GNE: variants seen among roughly 807,000 people sequenced by gnomAD.
GNE encodes the protein glucosamine (UDP-N-acetyl)-2-epimerase/N-acetylmannosamine kinase.
GNE carries 41 observed loss-of-function variants against 61.8 expected under a neutral mutation model. The observed-to-expected ratio is 0.66, with a 90% CI of 0.52 to 0.86. The LOEUF is 0.86. Ranked by LOEUF, GNE falls within the 40% of genes least tolerant of loss-of-function variation. The probability of loss-of-function intolerance (pLI) is 0.00; values close to 1 mark genes in which losing one functional copy is unlikely to be tolerated. For synonymous variants in GNE, 264 were observed against 326.4 expected (o/e 0.81, Z 2.06); for missense variants, 608 against 909.1 (o/e 0.67, Z 4.26).
At position 36,246,185 on chromosome 9, in the gene GNE, A is replaced by T. The variant is rs778963689; in HGVS notation, c.462T>A (p.Ala154=). The change falls in exon 3 of 12, where the codon GCT becomes GCA. Residue 154 remains alanine (A), a synonymous_variant. Coordinates refer to ENST00000642385, the MANE Select transcript of GNE (RefSeq NM_005476.7). The stretch of plus-strand genomic sequence containing the variant: ...TGCGGGTGCAGCACACATGATAATG[A>T]GCCAGTTTTGTTATGGCATGTCTGA... The part of the protein sequence containing the change: ...DSIRHAITKL[A]HYHVCCTRSA... 5.2e-5 allele frequency: 84 copies of T among 1,614,116 alleles called. No homozygotes were observed. Among genetic ancestry groups the T allele is most frequent in the Non-Finnish European group, 6.9e-5 (81 of 1,180,038 alleles).
rs112547437 is a variant in GNE at position 36,248,701 on chromosome 9, A to G, written c.164+491T>C. 2.9e-3 allele frequency among the ~76,000 whole-genome samples: 444 copies of G among 152,304 alleles called. 1 individual carries two copies. Among genetic ancestry groups the G allele is most frequent in the African/African-American group, 0.01 (430 of 41,566 alleles). On this transcript the variant is annotated intron_variant, in intron 2 of 11. Coordinates refer to ENST00000642385, the MANE Select transcript of GNE (RefSeq NM_005476.7). ...CAAAATAAATGTCAATGGTGACAGTAATGTAACTCTCTACTTTACCTTGCA... is the reference window on the plus strand; with the variant it reads ...CAAAATAAATGTCAATGGTGACAGTGATGTAACTCTCTACTTTACCTTGCA...
At chr9:36,227,522 G>A (rs1828935806) in intron 6 of GNE, 64 bp from the exon 7 acceptor site, 1 of 1,011,540 alleles carries the variant, frequency 9.9e-7, no homozygotes, top group Non-Finnish European at 1.6e-6. Context: ...TGGTAGTGAG[G>A]GTATAATGTA....
At chr9:36,271,662 C>T (rs1180215285) in intron 1 of GNE, among the ~76,000 whole-genome samples, 1 of 152,176 alleles carries the variant, frequency 6.6e-6, no homozygotes, top group Non-Finnish European at 1.5e-5. Context: ...GCGTGAGCCA[C>T]CATGCCTGAC....
chr9:36,271,570 C>T (rs1044763429), intron 1 of GNE, among the ~76,000 whole-genome samples: 1 of 152,112 alleles, frequency 6.6e-6, no homozygotes, highest in African/African-American at 2.4e-5. Flanking sequence ...GACGGGGTTT[C>T]ACCATGTTGT....
At position 36,236,070 on chromosome 9, in the gene GNE, G is replaced by A. The variant is rs369428076; in HGVS notation, c.769+762C>T. Among the ~76,000 whole-genome samples the A allele has an allele frequency of 3.3e-4, 51 of 152,264 alleles. 1 individual carries two copies. In the South Asian group the frequency reaches 0.011, roughly 32 times the overall value. ...CGGTTGGGACTGGCTGGGGACTCCA[G>A]ATTTAAACTGCTTCAGCTCAAGATT... is the stretch of plus-strand genomic sequence containing the variant. On this transcript the variant is annotated intron_variant, in intron 4 of 11. Coordinates refer to ENST00000642385, the MANE Select transcript of GNE (RefSeq NM_005476.7).
chr9:36,218,787 C>T lies in GNE; in HGVS notation c.1817-488G>A, dbSNP rs1210183842. Among the ~76,000 whole-genome samples the T allele has an allele frequency of 2.0e-5, 3 of 152,242 alleles. No homozygotes were observed. Among genetic ancestry groups the T allele is most frequent in the Non-Finnish European group, 4.4e-5 (3 of 68,046 alleles). ...AGCTGCATGACCCCATGCCTGTCAC[C>T]TCACCTGTACACATTCCTCCTTCCT... On this transcript the variant is annotated intron_variant, in intron 10 of 11. Coordinates refer to ENST00000642385, the MANE Select transcript of GNE (RefSeq NM_005476.7). The surrounding 1 kb of genome is among the most constrained non-coding windows in gnomAD (Gnocchi z 4.1).
At position 36,214,793 on chromosome 9, in the gene GNE, A is replaced by C. The variant is rs565481300; in HGVS notation, c.*2572T>G. On this transcript the variant is annotated 3_prime_UTR_variant, in exon 12 of 12. Transcript: ENST00000642385. ...CTTCCTTCCCAGGAATCACCATGGA[A>C]TGTCTGAACAATAACCAGGCCCTGG... 1 of 152,336 alleles carries C rather than the reference A, an allele frequency of 6.6e-6. No individual in the cohort carries two copies. The allele number at this position is 152,336 out of a possible 1,614,324, so 9.4% of individuals were successfully genotyped here.
At chr9:36,255,870 C>T (rs945711740) in intron 1 of GNE, among the ~76,000 whole-genome samples, 1 of 152,078 alleles carries the variant, frequency 6.6e-6, no homozygotes, top group Admixed American at 6.6e-5. Context: ...TGATAGTTTT[C>T]GGACAAGTTT....
chr9:36,239,157 G>C (rs1268471940), intron 3 of GNE, among the ~76,000 whole-genome samples: 5 of 152,144 alleles, frequency 3.3e-5, no homozygotes, highest in African/African-American at 1.2e-4. Context: ...TTTGAAATCA[G>C]GTAGTGTGAT....
rs767519361 is a variant in GNE at position 36,246,039 on chromosome 9, A to G, written c.608T>C (p.Met203Thr). ...KNKDYMSIIR[M>T]WLGDDVKSKD... ...AAGTCTGAGATACGTACCTAGCCAC[A>G]TGCGAATGATGCTCATGTAGTCTTT... The change falls in exon 3 of 12, where the codon ATG (methionine) becomes ACG (threonine). Residue 203 changes from methionine to threonine, a missense_variant. Met to Thr is a moderately conservative substitution (Grantham distance 81, BLOSUM62 -1). Coordinates refer to ENST00000642385, the MANE Select transcript of GNE (RefSeq NM_005476.7). The G allele has an allele frequency of 6.2e-7, 1 of 1,613,464 alleles. No homozygotes were observed. The highest frequency in any genetic ancestry group is 8.5e-7 in the Non-Finnish European group (1 of 1,179,578).
intron 11 of GNE, among the ~76,000 whole-genome samples, chr9:36,217,897 T>C (rs906625717): frequency 6.6e-6 from 1 of 152,254 alleles, no homozygotes; most frequent in African/African-American, 2.4e-5. Context: ...AACTAAGTGA[T>C]ATTTTTTCTT....
intron 10 of GNE, 107 bp downstream of exon 10, chr9:36,219,731 A>G (rs1244473219): frequency 9.7e-7 from 1 of 1,029,032 alleles, no homozygotes; most frequent in Non-Finnish European, 1.5e-6. Context: ...CTAAGAAGTG[A>G]AAAGGGGGAA....
intron 1 of GNE, among the ~76,000 whole-genome samples, chr9:36,256,534 C>T (rs1374887163): frequency 6.6e-6 from 1 of 152,156 alleles, no homozygotes; most frequent in Non-Finnish European, 1.5e-5. Context: ...CGTGAGCCAC[C>T]ACGCCCGGCA....
chr9:36,253,222 C>G (rs1318007791), intron 1 of GNE, among the ~76,000 whole-genome samples: 1 of 151,204 alleles, frequency 6.6e-6, no homozygotes, highest in East Asian at 1.9e-4. Flanking sequence ...TACACACATA[C>G]ACAACGTATA....
intron 7 of GNE, among the ~76,000 whole-genome samples, chr9:36,224,477 C>G (rs1828763844): frequency 6.6e-6 from 1 of 151,994 alleles, no homozygotes; most frequent in Non-Finnish European, 1.5e-5. Context: ...AGTAGCTGAG[C>G]TTTAATCATC....
intron 4 of GNE, among the ~76,000 whole-genome samples, chr9:36,234,611 A>G (rs533488081): frequency 5.9e-5 from 9 of 152,304 alleles, no homozygotes; most frequent in African/African-American, 1.2e-4. Context: ...GAAAATACAC[A>G]TAGATTCTGA....
At position 36,253,569 on chromosome 9, in the gene GNE, C is replaced by T. The variant is rs559092096; in HGVS notation, c.-42-4172G>A. Reference sequence around the variant, plus strand: ...CTAGGATTACAGGCATGAGCCACCGCGCCCAGCCACAAATCTTACTTTTTA... The same window carrying T: ...CTAGGATTACAGGCATGAGCCACCGTGCCCAGCCACAAATCTTACTTTTTA... On this transcript the variant is annotated intron_variant, in intron 1 of 11. Coordinates refer to ENST00000642385, the MANE Select transcript of GNE (RefSeq NM_005476.7). 9.2e-5 allele frequency among the ~76,000 whole-genome samples: 14 copies of T among 151,678 alleles called. No homozygotes were observed. In the South Asian group the frequency reaches 2.5e-3, roughly 27 times the overall value.
At chr9:36,250,589 A>T (rs1360698445) in intron 1 of GNE, among the ~76,000 whole-genome samples, 1 of 152,086 alleles carries the variant, frequency 6.6e-6, no homozygotes, top group Non-Finnish European at 1.5e-5. Flanking sequence ...CCTCCTCTTC[A>T]TCCATACAAG....
intron 1 of GNE, among the ~76,000 whole-genome samples, chr9:36,269,646 G>A (rs1830944731): frequency 6.8e-6 from 1 of 147,052 alleles, no homozygotes; most frequent in Non-Finnish European, 1.5e-5. Flanking sequence ...TTATGTTGTT[G>A]GGTTTTCTTT....
Sources: gnomAD v4.1 joint callset for allele counts (sites outside exome capture counted in the v4.1 genomes callset) on GRCh38, gnomAD v4.1.1 for gene constraint, Gnocchi (gnomAD v3.1) non-coding constraint, MANE v1.5 for transcripts, NCBI Gene and HGNC (gene_info 2026-07-23, HGNC 2026-07-21) for gene names.